Variants in NDST3 observed in about 807,000 individuals in gnomAD.
NDST3 encodes the protein N-deacetylase and N-sulfotransferase 3, also known as bifunctional heparan sulfate N-deacetylase/N-sulfotransferase 3.
Under a neutral mutation model 96.1 loss-of-function variants are expected in NDST3, and 58 were observed. That is an observed-to-expected ratio of 0.60 (90% confidence interval 0.49 to 0.75). The LOEUF (loss-of-function observed/expected upper bound fraction) is 0.75, where lower values mean the gene tolerates loss of function less well. Among genes scored for constraint, NDST3 ranks in the 30% least tolerant of loss-of-function variants. The pLI is 0.00. For synonymous variants in NDST3, 333 were observed against 359.7 expected, an observed-to-expected ratio of 0.93 and a Z score of 0.84; for missense variants, 788 against 1,034.2, an observed-to-expected ratio of 0.76 and a Z score of 3.27.
chr4:118,241,011 T>C (rs1740974126), intron 11 of NDST3, among the ~76,000 whole-genome samples: 1 of 152,178 alleles, frequency 6.6e-6, no homozygotes, highest in Non-Finnish European at 1.5e-5. Context: ...AGACAAATAA[T>C]GTTTTGCTTA....
At chr4:118,131,980 T>C (rs974922676) in intron 4 of NDST3, among the ~76,000 whole-genome samples, 2 of 152,082 alleles carry the variant, frequency 1.3e-5, no homozygotes, top group Non-Finnish European at 2.9e-5. Context: ...ATGGCCACTA[T>C]AACTGGGACT....
At chr4:118,212,782 T>G (rs1738891433) in intron 6 of NDST3, among the ~76,000 whole-genome samples, 1 of 152,192 alleles carries the variant, frequency 6.6e-6, no homozygotes, top group Admixed American at 6.5e-5. Flanking sequence ...TATACTCACA[T>G]GCCTTCCTCA....
chr4:118,065,375 C>T (rs763400346), intron 2 of NDST3, among the ~76,000 whole-genome samples: 5 of 152,074 alleles, frequency 3.3e-5, no homozygotes, highest in African/African-American at 7.2e-5. Context: ...TGCTGTTAAA[C>T]GCTTCATATC....
chr4:118,068,952 T>G (rs1160674379), intron 2 of NDST3, among the ~76,000 whole-genome samples: 1 of 152,128 alleles, frequency 6.6e-6, no homozygotes, highest in Non-Finnish European at 1.5e-5. Context: ...CAAATATGTG[T>G]ACATGTGAAA....
rs57940908 is a variant in NDST3, at chr4:118,222,134, T to C, written c.1540-2357T>C. 1.6e-3 allele frequency among the ~76,000 whole-genome samples: 242 copies of C among 152,070 alleles called. 2 individuals are homozygous for C. The highest frequency in any genetic ancestry group is 5.6e-3 in the African/African-American group (234 of 41,536). The stretch of plus-strand genomic sequence containing the variant: ...CTTTTCTTTGTTTCTTTCTATGCTG[T>C]ACAGAAATTGTTGTCAGGTGAGGAA... On this transcript the variant is annotated intron_variant, in intron 6 of 13. Coordinates refer to ENST00000296499, the MANE Select transcript of NDST3 (RefSeq NM_004784.3).
At chr4:118,041,408 A>G (rs1212778797) in intron 1 of NDST3, among the ~76,000 whole-genome samples, 1 of 152,214 alleles carries the variant, frequency 6.6e-6, no homozygotes, top group Non-Finnish European at 1.5e-5. Context: ...GGTGCCTTAT[A>G]GGAAATCTTG....
At chr4:118,235,749 A>C (rs1740600923) in intron 9 of NDST3, among the ~76,000 whole-genome samples, 1 of 152,206 alleles carries the variant, frequency 6.6e-6, no homozygotes, top group Non-Finnish European at 1.5e-5. Flanking sequence ...TAGAATGTAC[A>C]CCAGAACAAA....
Position 118,253,586 on chromosome 4 carries a change from T to A in NDST3, c.2487T>A (p.Pro829=), listed in dbSNP as rs761336015. 1 of 1,608,870 alleles carries A rather than the reference T, an allele frequency of 6.2e-7. No homozygotes were observed. Among genetic ancestry groups the A allele is most frequent in the Admixed American group, 1.7e-5 (1 of 59,940 alleles). ...GAAAGAGCAAAGGAAGAAAATACCC[T>A]CCAATGGATTCTGATGTAAGCATAG... ...CLGKSKGRKY[P]PMDSDSRTFL... The change falls in exon 13 of 14, where the codon CCT becomes CCA. Residue 829 remains proline, a synonymous_variant. Coordinates refer to ENST00000296499, the MANE Select transcript of NDST3 (RefSeq NM_004784.3).
intron 6 of NDST3, among the ~76,000 whole-genome samples, chr4:118,184,802 G>A (rs948315860): frequency 6.6e-6 from 1 of 152,086 alleles, no homozygotes; most frequent in Non-Finnish European, 1.5e-5. Context: ...CTTACTTGCT[G>A]TAAGCATGTT....
chr4:118,173,027 G>A (rs1472786401), intron 6 of NDST3, among the ~76,000 whole-genome samples: 1 of 152,034 alleles, frequency 6.6e-6, no homozygotes, highest in Non-Finnish European at 1.5e-5. Context: ...AAGTCCCCTT[G>A]AGAAGGGAGA....
chr4:118,050,136 T>A (rs2110439835), intron 1 of NDST3, among the ~76,000 whole-genome samples: 1 of 152,260 alleles, frequency 6.6e-6, no homozygotes, highest in Non-Finnish European at 1.5e-5. Context: ...CAAAGCCATA[T>A]GATCATCTCA....
intron 2 of NDST3, among the ~76,000 whole-genome samples, chr4:118,072,668 G>A (rs1322308436): frequency 6.6e-6 from 1 of 152,002 alleles, no homozygotes; most frequent in Non-Finnish European, 1.5e-5. Flanking sequence ...TATATCATCT[G>A]CAAACAGAAA....
intron 2 of NDST3, among the ~76,000 whole-genome samples, chr4:118,095,092 A>G (rs1040897440): frequency 1.3e-5 from 2 of 151,902 alleles, no homozygotes; most frequent in Non-Finnish European, 2.9e-5. Flanking sequence ...TTTAAAAAAA[A>G]GAAAAAAGAG....
chr4:118,217,783 G>A (rs1445812936), intron 6 of NDST3, among the ~76,000 whole-genome samples: 1 of 151,824 alleles, frequency 6.6e-6, no homozygotes, highest in Non-Finnish European at 1.5e-5. Context: ...CATCTGAGAG[G>A]TACATGGAGA....
At chr4:118,184,730 A>T (rs974208742) in intron 6 of NDST3, among the ~76,000 whole-genome samples, 1 of 152,106 alleles carries the variant, frequency 6.6e-6, no homozygotes, top group African/African-American at 2.4e-5. Flanking sequence ...TTAAGTATAC[A>T]TAATTTATTA....
intron 6 of NDST3, among the ~76,000 whole-genome samples, chr4:118,216,719 G>C (rs1389862131): frequency 6.6e-6 from 1 of 152,040 alleles, no homozygotes; most frequent in African/African-American, 2.4e-5. Context: ...GAGAAGCAGA[G>C]TTCAGAAAGA....
intron 6 of NDST3, among the ~76,000 whole-genome samples, chr4:118,203,899 T>A (rs35054481): frequency 0.044 from 6,626 of 151,996 alleles, 218 homozygotes; most frequent in Non-Finnish European, 0.069. Flanking sequence ...ACAAAGGAGG[T>A]AGAACACAAA....
chr4:118,167,638 T>A (rs1735645057), intron 6 of NDST3, among the ~76,000 whole-genome samples: 1 of 151,968 alleles, frequency 6.6e-6, no homozygotes, highest in African/African-American at 2.4e-5. Context: ...GCTGGAAGCA[T>A]CCTACTTCCT....
chr4:118,052,655 A>G (rs1031256154), intron 1 of NDST3, among the ~76,000 whole-genome samples: 2 of 152,146 alleles, frequency 1.3e-5, no homozygotes, highest in African/African-American at 4.8e-5. Context: ...TAGTTCAACT[A>G]TCTGAGAAAA....
Sources: gnomAD v4.1 joint callset for allele counts (sites outside exome capture counted in the v4.1 genomes callset) on GRCh38, gnomAD v4.1.1 for gene constraint, MANE v1.5 for transcripts, NCBI Gene and HGNC (gene_info 2026-07-23, HGNC 2026-07-21) for gene names.